Variants in GALNT11 observed in about 807,000 individuals in gnomAD.
GALNT11 encodes the protein UDP-GalNAc:polypeptide N-acetylgalactosaminyltransferase 11.
In GALNT11, 47 loss-of-function variants were observed where a neutral mutation model predicts 72.7. That is an observed-to-expected ratio of 0.65 (90% confidence interval 0.51 to 0.82). The LOEUF is 0.82. Among genes scored for constraint, GALNT11 ranks in the 40% least tolerant of loss-of-function variants. The probability of loss-of-function intolerance (pLI) is 0.00; values close to 1 mark genes in which losing one functional copy is unlikely to be tolerated. For missense variants in GALNT11, 677 were observed against 778.4 expected, an observed-to-expected ratio of 0.87 and a Z score of 1.55; for synonymous variants, 270 against 286.6, an observed-to-expected ratio of 0.94 and a Z score of 0.58.
intron 2 of GALNT11, among the ~76,000 whole-genome samples, chr7:152,096,855 C>T (rs1473504494): frequency 1.3e-5 from 2 of 152,000 alleles, no homozygotes; most frequent in African/African-American, 2.4e-5. Context: ...TGAGACAGGG[C>T]CTTGCTCTGT....
At chr7:152,058,818 A>G (rs2083840274) in intron 1 of GALNT11, among the ~76,000 whole-genome samples, 1 of 152,172 alleles carries the variant, frequency 6.6e-6, no homozygotes, top group South Asian at 2.1e-4. Flanking sequence ...GCTTTTTGTT[A>G]TCGTTTCAAC....
rs138436495 is a variant in GALNT11 at position 152,094,350 on chromosome 7, C to T, written c.123C>T (p.Pro41=). ...TGACTCAGCCACTTAAGAATGTGCC[C>T]GTCAAGGGGTCTGGGCCCCACGGAC... ...SEVTQPLKNV[P]VKGSGPHGPS... Residue 41 remains proline (P), a synonymous_variant, in exon 2 of 12, where the codon CCC becomes CCT. Coordinates refer to ENST00000430044, the MANE Select transcript of GALNT11 (RefSeq NM_022087.4). This position sits in a 1 kb window ranked among gnomAD's most constrained non-coding sequence, Gnocchi z 4.3. 3.0e-3 allele frequency: 4,920 copies of T among 1,614,062 alleles called. 12 individuals carry two copies. The highest frequency in any genetic ancestry group is 3.6e-3 in the Non-Finnish European group (4,280 of 1,180,014).
At chr7:152,102,524 G>A (rs564507452) in intron 3 of GALNT11, among the ~76,000 whole-genome samples, 24 of 151,718 alleles carry the variant, frequency 1.6e-4, no homozygotes, top group African/African-American at 5.8e-4. Context: ...CCTAGTGACA[G>A]AGCAAGACAC....
At chr7:152,082,532 C>T (rs548182397) in intron 1 of GALNT11, among the ~76,000 whole-genome samples, 4 of 152,332 alleles carry the variant, frequency 2.6e-5, no homozygotes, top group East Asian at 1.9e-4. Context: ...GGAAGAGGAA[C>T]GGGCTATGAC....
intron 1 of GALNT11, among the ~76,000 whole-genome samples, chr7:152,092,099 T>C (rs1009183878): frequency 6.6e-6 from 1 of 152,204 alleles, no homozygotes; most frequent in African/African-American, 2.4e-5. Context: ...CAGAGCAGCC[T>C]GTCCGGTTAC....
chr7:152,026,452 C>T (rs1012499320), intron 1 of GALNT11, among the ~76,000 whole-genome samples: 8 of 152,172 alleles, frequency 5.3e-5, no homozygotes, highest in Admixed American at 2.6e-4. Context: ...TCGCTGTGGA[C>T]CTCCACATCT....
chr7:152,115,534 T>C (rs1563082569), intron 8 of GALNT11, among the ~76,000 whole-genome samples: 1 of 152,224 alleles, frequency 6.6e-6, no homozygotes, highest in Non-Finnish European at 1.5e-5. Context: ...GTGCAGTTGT[T>C]TGAGTTATGG....
chr7:152,049,094 C>T (rs566767145), intron 1 of GALNT11, among the ~76,000 whole-genome samples: 2 of 150,668 alleles, frequency 1.3e-5, no homozygotes, highest in East Asian at 3.9e-4. Flanking sequence ...TGAAAGGTTA[C>T]ATATCTAGCT....
chr7:152,090,124 C>T (rs565426763), intron 1 of GALNT11, among the ~76,000 whole-genome samples: 1 of 152,180 alleles, frequency 6.6e-6, no homozygotes, highest in Non-Finnish European at 1.5e-5. Context: ...ATCATCCTTG[C>T]TCCTAAGTTA....
intron 3 of GALNT11, among the ~76,000 whole-genome samples, chr7:152,101,644 G>A (rs915092958): frequency 1.6e-5 from 2 of 123,358 alleles, no homozygotes; most frequent in East Asian, 3.5e-4. Context: ...CTTTTTTTTG[G>A]GGGGGGGGGG....
At chr7:152,107,313 T>A (rs1057334531) in intron 5 of GALNT11, 3 of 150,936 alleles carry the variant, frequency 2.0e-5, no homozygotes, top group Non-Finnish European at 4.4e-5. Context: ...GAATAAAATG[T>A]CGATGATTTA....
intron 1 of GALNT11, among the ~76,000 whole-genome samples, chr7:152,065,603 G>A (rs570843784): frequency 2.6e-5 from 4 of 152,134 alleles, no homozygotes; most frequent in Admixed American, 6.5e-5. Flanking sequence ...TGATGGTGAC[G>A]TACAGATGGG....
chr7:152,092,468 G>A (rs2086103600), intron 1 of GALNT11, among the ~76,000 whole-genome samples: 1 of 152,122 alleles, frequency 6.6e-6, no homozygotes, highest in East Asian at 1.9e-4. Context: ...GTCATTTCCA[G>A]CCATGCCTCT....
intron 10 of GALNT11, 77 bp from the exon 11 acceptor site, chr7:152,120,754 A>T (rs773535541): frequency 1.0e-5 from 13 of 1,261,446 alleles, no homozygotes; most frequent in Non-Finnish European, 1.5e-5. Flanking sequence ...TACAGAATCA[A>T]TATGTGGAAG....
At chr7:152,086,304 C>T (rs558280087) in intron 1 of GALNT11, among the ~76,000 whole-genome samples, 4 of 152,252 alleles carry the variant, frequency 2.6e-5, no homozygotes, top group East Asian at 3.9e-4. Flanking sequence ...GGATTACAAG[C>T]GAGAGCCACC....
In GALNT11 at chr7:152,118,740, T is replaced by C. The variant is rs772359314; in HGVS notation, c.1515T>C (p.Gly505=). The change falls in exon 10 of 12, where the codon GGT becomes GGC. Residue 505 remains glycine (G), a synonymous_variant. Transcript: ENST00000430044. The stretch of plus-strand genomic sequence containing the variant: ...AGGGCCGCCCAAGTCAGAAGGGAGG[T>C]CTCGTGGTGCTTAAGGCCTGTGACT... ...VAQGRPSQKG[G]LVVLKACDYS... 2.5e-6 allele frequency: 4 copies of C among 1,610,960 alleles called. No homozygotes were observed. The highest frequency in any genetic ancestry group is 4.5e-5 in the East Asian group (2 of 44,708).
intron 1 of GALNT11, among the ~76,000 whole-genome samples, chr7:152,034,715 G>A (rs368359070): frequency 3.3e-5 from 5 of 152,064 alleles, no homozygotes; most frequent in Non-Finnish European, 7.4e-5. Flanking sequence ...AACCCACAAC[G>A]GTCGGTCCCT....
intron 1 of GALNT11, among the ~76,000 whole-genome samples, chr7:152,060,915 A>G (rs2083972130): frequency 6.6e-6 from 1 of 152,206 alleles, no homozygotes; most frequent in Non-Finnish European, 1.5e-5. Context: ...GCTATTGTGA[A>G]TAGTGACACA....
intron 1 of GALNT11, among the ~76,000 whole-genome samples, chr7:152,076,965 GC>G (rs1421229434): frequency 1.3e-5 from 2 of 152,214 alleles, no homozygotes; most frequent in Non-Finnish European, 1.5e-5. Context: ...GGTGGCTCAT[GC>G]CTATAATCCC....
Sources: gnomAD v4.1 joint callset for allele counts (sites outside exome capture counted in the v4.1 genomes callset) on GRCh38, gnomAD v4.1.1 for gene constraint, Gnocchi (gnomAD v3.1) non-coding constraint, MANE v1.5 for transcripts, NCBI Gene and HGNC (gene_info 2026-07-23, HGNC 2026-07-21) for gene names.